The following PHAX variants were observed in gnomAD, a reference collection of about 807,000 sequenced individuals.
PHAX encodes the protein phosphorylated adaptor for RNA export.
Under a neutral mutation model 41.6 loss-of-function variants are expected in PHAX, and 31 were observed. The ratio of observed to expected loss-of-function variants is 0.75; its 90% CI spans 0.56 to 1.01. The LOEUF (loss-of-function observed/expected upper bound fraction) is 1.01, where lower values mean the gene tolerates loss of function less well. Ranked by LOEUF, PHAX falls within the 50% of genes least tolerant of loss-of-function variation. The pLI, the probability that PHAX is intolerant of heterozygous loss-of-function variation, is 0.00. For synonymous variants in PHAX, 175 were observed against 164.9 expected (o/e 1.06, Z -0.47); for missense variants, 453 against 472.9 (o/e 0.96, Z 0.39).
intron 1 of PHAX, among the ~76,000 whole-genome samples, chr5:126,601,403 C>T (rs1350566214): frequency 6.6e-6 from 1 of 152,222 alleles, no homozygotes; most frequent in African/African-American, 2.4e-5. Context: ...TCACCTCCGC[C>T]TACCGCTCTT....
chr5:126,613,266 T>G (rs1460114570), intron 3 of PHAX, among the ~76,000 whole-genome samples: 1 of 152,124 alleles, frequency 6.6e-6, no homozygotes, highest in Non-Finnish European at 1.5e-5. Flanking sequence ...GGAGAATTGC[T>G]TGAACCTGGG....
At chr5:126,610,864 C>A in intron 3 of PHAX, among the ~76,000 whole-genome samples, 1 of 151,954 alleles carries the variant, frequency 6.6e-6, no homozygotes, top group East Asian at 1.9e-4. Flanking sequence ...TGCCACCGCG[C>A]TTGGCTAATT....
At chr5:126,608,633 A>G in intron 3 of PHAX, 149 bp downstream of exon 3, 3 of 650,058 alleles carry the variant, frequency 4.6e-6, no homozygotes, top group Non-Finnish European at 5.1e-6. Context: ...TCAACAATGA[A>G]GACTGTTAAA....
intron 3 of PHAX, among the ~76,000 whole-genome samples, chr5:126,616,689 G>A (rs1237094821): frequency 6.6e-6 from 1 of 151,946 alleles, no homozygotes; most frequent in Non-Finnish European, 1.5e-5. Flanking sequence ...AGACCAGGCT[G>A]GCCAACATGG....
chr5:126,607,053 A>G (rs911027188), intron 2 of PHAX, among the ~76,000 whole-genome samples: 12 of 152,204 alleles, frequency 7.9e-5, no homozygotes, highest in African/African-American at 2.9e-4. Context: ...CAGATTTTGA[A>G]TTAACATTTT....
intron 1 of PHAX, among the ~76,000 whole-genome samples, chr5:126,602,290 G>A (rs577766286): frequency 6.0e-4 from 91 of 152,368 alleles, no homozygotes; most frequent in African/African-American, 2.2e-3. Context: ...TGACTGCCTT[G>A]GTAGGTAGCA....
intron 3 of PHAX, among the ~76,000 whole-genome samples, chr5:126,616,303 C>T (rs1421066352): frequency 6.6e-6 from 1 of 152,064 alleles, no homozygotes; most frequent in Non-Finnish European, 1.5e-5. Context: ...ATGTTGTTGA[C>T]CAGGCTAGTC....
At chr5:126,605,239 T>C (rs1751970880) in intron 2 of PHAX, among the ~76,000 whole-genome samples, 3 of 151,896 alleles carry the variant, frequency 2.0e-5, no homozygotes, top group African/African-American at 7.3e-5. Flanking sequence ...TCAGAGCTCA[T>C]TGAAGCTGAA....
chr5:126,621,509 A>G (rs920878381), intron 4 of PHAX, among the ~76,000 whole-genome samples: 1 of 152,078 alleles, frequency 6.6e-6, no homozygotes, highest in Non-Finnish European at 1.5e-5. Context: ...ATTATAGATC[A>G]TTTATTTCAG....
intron 3 of PHAX, among the ~76,000 whole-genome samples, chr5:126,612,339 C>T (rs1752115052): frequency 6.6e-6 from 1 of 152,030 alleles, no homozygotes; most frequent in Admixed American, 6.6e-5. Flanking sequence ...AACTTGTTTG[C>T]CATCTTAAGG....
At chr5:126,605,886 C>T (rs1157197730) in intron 2 of PHAX, among the ~76,000 whole-genome samples, 1 of 152,144 alleles carries the variant, frequency 6.6e-6, no homozygotes, top group Non-Finnish European at 1.5e-5. Context: ...GTATATTTTA[C>T]AGATAATATT....
chr5:126,620,323 CAAA>C (rs1752250228), intron 4 of PHAX, among the ~76,000 whole-genome samples: 1 of 152,100 alleles, frequency 6.6e-6, no homozygotes, highest in Non-Finnish European at 1.5e-5. Context: ...TAATTCTTGA[CAAA>C]AAGTATGTAC....
chr5:126,621,922 T>A (rs924403215), intron 4 of PHAX, among the ~76,000 whole-genome samples: 1 of 152,222 alleles, frequency 6.6e-6, no homozygotes, highest in Non-Finnish European at 1.5e-5. Context: ...TCTATTAAAT[T>A]CATAACGCAT....
Position 126,600,969 on chromosome 5 carries a change from T to C in PHAX, c.7T>C (p.Leu3=). Reference sequence around the variant, plus strand: ...CGCAGCGCACCGCGGGAAGATGGCGTTGGAGGTCGGCGATATGGAAGATGG... The same window carrying C: ...CGCAGCGCACCGCGGGAAGATGGCGCTGGAGGTCGGCGATATGGAAGATGG... The part of the protein sequence containing the change: MA[L]EVGDMEDGQL... Residue 3 remains leucine (L), a synonymous_variant, in exon 1 of 5, where the codon TTG becomes CTG. Coordinates refer to ENST00000297540, the MANE Select transcript of PHAX (RefSeq NM_032177.4). The C allele has an allele frequency of 1.2e-6, 2 of 1,603,950 alleles. No homozygotes were observed. The highest frequency in any genetic ancestry group is 1.7e-6 in the Non-Finnish European group (2 of 1,175,224).
At position 126,626,970 on chromosome 5, in the gene PHAX, A is replaced by T. The variant is rs1752366363; in HGVS notation, c.*2126A>T. 6.6e-6 allele frequency: 1 copy of T among 152,198 alleles called. No homozygotes were observed. Among genetic ancestry groups the T allele is most frequent in the Admixed American group, 6.6e-5 (1 of 15,258 alleles). 9.4% of individuals were successfully genotyped at this position (152,198 alleles called of 1,614,324 possible). A position where few individuals can be genotyped will look rare whatever the true frequency, so the allele number is the denominator to read the frequency against. On this transcript the variant is annotated 3_prime_UTR_variant, in exon 5 of 5. Coordinates refer to ENST00000297540, the MANE Select transcript of PHAX (RefSeq NM_032177.4). ...AAGTTTTAAATTACTCATTTTTATTAATGAAGAAAATAAGGTAGTTTAGAC... is the reference window on the plus strand; with the variant it reads ...AAGTTTTAAATTACTCATTTTTATTTATGAAGAAAATAAGGTAGTTTAGAC...
At chr5:126,610,633 T>C (rs1244150923) in intron 3 of PHAX, among the ~76,000 whole-genome samples, 1 of 152,262 alleles carries the variant, frequency 6.6e-6, no homozygotes, top group Non-Finnish European at 1.5e-5. Flanking sequence ...ACTGTAGTGA[T>C]AAAACTTTAT....
At chr5:126,607,138 A>T (rs1752002331) in intron 2 of PHAX, among the ~76,000 whole-genome samples, 1 of 152,250 alleles carries the variant, frequency 6.6e-6, no homozygotes, top group African/African-American at 2.4e-5. Flanking sequence ...TGCAGGTGGT[A>T]GGAAAACAAG....
At chr5:126,604,419 C>T (rs1040402057) in intron 2 of PHAX, among the ~76,000 whole-genome samples, 2 of 151,708 alleles carry the variant, frequency 1.3e-5, no homozygotes, top group Non-Finnish European at 2.9e-5. Context: ...TATGCACCCC[C>T]ACGCCCAGCT....
Position 126,601,114 on chromosome 5 carries a change from G to A in PHAX, c.96+56G>A, listed in dbSNP as rs563253296. The stretch of plus-strand genomic sequence containing the variant: ...GCTGGGCGCGCGGAGCCTGGGCCCC[G>A]GGGAGCGCGCAGGCAGCGGTGAGGG... On this transcript the variant is annotated intron_variant, in intron 1 of 4. Transcript: ENST00000297540. 148 of 1,322,736 alleles carry A rather than the reference G, an allele frequency of 1.1e-4. No homozygotes were observed. The African/African-American group carries it at 1.9e-3, about 17-fold the overall frequency. 81.9% of individuals were successfully genotyped at this position (1,322,736 alleles called of 1,614,324 possible). A position where few individuals can be genotyped will look rare whatever the true frequency, so the allele number is the denominator to read the frequency against.
Sources: allele counts gnomAD v4.1 joint callset (sites outside exome capture counted in the v4.1 genomes callset), GRCh38; gene constraint gnomAD v4.1.1; transcripts MANE v1.5; gene names NCBI Gene and HGNC (gene_info 2026-07-23, HGNC 2026-07-21).